PLEKHA5: variants seen among roughly 807,000 people sequenced by gnomAD.
The protein encoded by PLEKHA5 is pleckstrin homology domain-containing family A member 5.
In PLEKHA5, 55 loss-of-function variants were observed where a neutral mutation model predicts 181.9. The ratio of observed to expected loss-of-function variants is 0.30; its 90% CI spans 0.24 to 0.38. The LOEUF (loss-of-function observed/expected upper bound fraction) is 0.38. PLEKHA5 is among the 10% of genes least tolerant of loss of function. The pLI is 1.00. For missense variants in PLEKHA5, 1,432 were observed against 1,549.5 expected (o/e 0.92, Z 1.27); for synonymous variants, 535 against 529.4 (o/e 1.01, Z -0.15).
At chr12:19,243,781 T>C (rs1361497237) in intron 3 of PLEKHA5, among the ~76,000 whole-genome samples, 1 of 152,102 alleles carries the variant, frequency 6.6e-6, no homozygotes, top group Non-Finnish European at 1.5e-5. Flanking sequence ...TCAAAAAAAA[T>C]TACAGTCTTT....
chr12:19,133,042 G>A (rs568631404), intron 3 of PLEKHA5, among the ~76,000 whole-genome samples: 5 of 151,162 alleles, frequency 3.3e-5, no homozygotes, highest in Non-Finnish European at 7.4e-5. Flanking sequence ...CGGTCAGGGA[G>A]TAAAAATAGA....
intron 3 of PLEKHA5, among the ~76,000 whole-genome samples, chr12:19,197,198 A>G (rs2053018519): frequency 6.6e-6 from 1 of 152,128 alleles, no homozygotes; most frequent in South Asian, 2.1e-4. Context: ...CTATGACATC[A>G]TACCCTTCTG....
intron 30 of PLEKHA5, 58 bp from the exon 31 acceptor site, chr12:19,369,635 C>T (rs1295072275): frequency 4.9e-6 from 5 of 1,026,094 alleles, no homozygotes; most frequent in Admixed American, 2.1e-5. Flanking sequence ...TCAGGATTTA[C>T]TTCTCCAAAT....
chr12:19,176,249 T>C (rs1358493285), intron 3 of PLEKHA5: 1 of 139,882 alleles, frequency 7.1e-6, no homozygotes, highest in Non-Finnish European at 1.5e-5. Flanking sequence ...GTCTCTATTA[T>C]TTAAAATAAA....
At chr12:19,288,520 A>AT (rs375405204) in intron 13 of PLEKHA5, among the ~76,000 whole-genome samples, 1 of 152,176 alleles carries the variant, frequency 6.6e-6, no homozygotes, top group African/African-American at 2.4e-5. Flanking sequence ...TAAAGATGTG[A>AT]TTTTAGCACC....
chr12:19,132,003 A>G (rs1326670138), intron 2 of PLEKHA5, among the ~76,000 whole-genome samples: 1 of 152,144 alleles, frequency 6.6e-6, no homozygotes, highest in African/African-American at 2.4e-5. Flanking sequence ...ACGGTCTTAA[A>G]TAGACACAAT....
chr12:19,302,961 G>A (rs1162663302), intron 15 of PLEKHA5, among the ~76,000 whole-genome samples: 8 of 107,132 alleles, frequency 7.5e-5, no homozygotes, highest in South Asian at 6.6e-4. Flanking sequence ...CTGCTCTGTT[G>A]CCCGGACTGG....
chr12:19,293,757 A>G (rs1417000050), intron 15 of PLEKHA5, among the ~76,000 whole-genome samples: 1 of 152,188 alleles, frequency 6.6e-6, no homozygotes, highest in Non-Finnish European at 1.5e-5. Flanking sequence ...AAATATATCA[A>G]AAACACCACC....
chr12:19,365,319 TCGCG>T (rs1014720256), intron 29 of PLEKHA5, among the ~76,000 whole-genome samples: 4 of 148,042 alleles, frequency 2.7e-5, no homozygotes, highest in Non-Finnish European at 5.9e-5. Context: ...TGAGCCTAGA[TCGCG>T]CCACTGCACT....
At chr12:19,298,094 C>G (rs996737300) in intron 15 of PLEKHA5, among the ~76,000 whole-genome samples, 1 of 151,760 alleles carries the variant, frequency 6.6e-6, no homozygotes, top group Non-Finnish European at 1.5e-5. Flanking sequence ...CGCTACTTGG[C>G]AGGCTGAGGC....
At position 19,354,015 on chromosome 12, in the gene PLEKHA5, A is replaced by C. The variant is rs750283473; in HGVS notation, c.3138+13A>C. ...GGATCTAAGAACGGTATTTAACTGG[A>C]AATTAATCTTCTAGGAAGATTCTCA... On this transcript the variant is annotated intron_variant, in intron 26 of 31. Transcript: ENST00000429027. 2.4e-6 allele frequency: 3 copies of C among 1,227,532 alleles called. No homozygotes were observed. The African/African-American group carries it at 4.5e-5, about 18-fold the overall frequency. 76.0% of individuals were successfully genotyped at this position (1,227,532 alleles called of 1,614,324 possible). A position where few individuals can be genotyped will look rare whatever the true frequency, so the allele number is the denominator to read the frequency against.
At chr12:19,293,185 C>T (rs1046939341) in intron 15 of PLEKHA5, among the ~76,000 whole-genome samples, 2 of 151,940 alleles carry the variant, frequency 1.3e-5, no homozygotes, top group African/African-American at 2.4e-5. Flanking sequence ...TTTATATTTG[C>T]CTGTTTGAAA....
intron 22 of PLEKHA5, among the ~76,000 whole-genome samples, chr12:19,345,374 T>C (rs140980791): frequency 0.045 from 6,772 of 150,734 alleles, 160 homozygotes; most frequent in South Asian, 0.062. Flanking sequence ...CACTCCAGCC[T>C]GGGCGACAGA....
chr12:19,306,454 A>G, intron 15 of PLEKHA5: 1 of 619,120 alleles, frequency 1.6e-6, no homozygotes, highest in Non-Finnish European at 3.1e-6. Flanking sequence ...GTAGCATCGG[A>G]TACCCACCTC....
chr12:19,197,017 A>G (rs2052958706), intron 3 of PLEKHA5, among the ~76,000 whole-genome samples: 1 of 152,058 alleles, frequency 6.6e-6, no homozygotes, highest in African/African-American at 2.4e-5. Flanking sequence ...TTAGAAGTGA[A>G]TATACCTCCT....
chr12:19,188,416 C>A (rs2050335575), intron 3 of PLEKHA5, among the ~76,000 whole-genome samples: 1 of 151,800 alleles, frequency 6.6e-6, no homozygotes, highest in Non-Finnish European at 1.5e-5. Flanking sequence ...TTTGAAAAGA[C>A]AAAAATTATA....
intron 3 of PLEKHA5, among the ~76,000 whole-genome samples, chr12:19,183,903 C>T (rs1203277340): frequency 6.6e-6 from 1 of 152,024 alleles, no homozygotes; most frequent in Non-Finnish European, 1.5e-5. Context: ...TTTGTAGAGA[C>T]AGGGTTTCAC....
chr12:19,297,586 C>G (rs1327012105), intron 15 of PLEKHA5, among the ~76,000 whole-genome samples: 1 of 141,166 alleles, frequency 7.1e-6, no homozygotes, highest in Non-Finnish European at 1.5e-5. Context: ...TGCGCCACTG[C>G]AGTCCGCAGT....
chr12:19,216,656 C>A (rs1311520732), intron 3 of PLEKHA5, among the ~76,000 whole-genome samples: 1 of 149,476 alleles, frequency 6.7e-6, no homozygotes, highest in African/African-American at 2.5e-5. Flanking sequence ...GAGCGAGAAT[C>A]CATCTCAAAA....
Sources: allele counts gnomAD v4.1 joint callset (sites outside exome capture counted in the v4.1 genomes callset), GRCh38; gene constraint gnomAD v4.1.1; transcripts MANE v1.5; gene names NCBI Gene and HGNC (gene_info 2026-07-23, HGNC 2026-07-21).